EIPR1: variants seen among roughly 807,000 people sequenced by gnomAD.
The protein encoded by EIPR1 is EARP complex and GARP complex interacting protein 1.
In EIPR1, 25 loss-of-function variants were observed where a neutral mutation model predicts 48.1. The observed-to-expected ratio is 0.52, with a 90% confidence interval of 0.38 to 0.73. EIPR1 has a LOEUF of 0.73. Among genes scored for constraint, EIPR1 ranks in the 30% least tolerant of loss-of-function variants. The pLI, the probability that EIPR1 is intolerant of heterozygous loss-of-function variation, is 0.00. For missense variants in EIPR1, 415 were observed against 506.2 expected, an observed-to-expected ratio of 0.82 and a Z score of 1.73; for synonymous variants, 204 against 201.9, an observed-to-expected ratio of 1.01 and a Z score of -0.09.
chr2:3,270,838 G>T (rs1295459013), intron 3 of EIPR1, among the ~76,000 whole-genome samples: 1 of 152,188 alleles, frequency 6.6e-6, no homozygotes, highest in Admixed American at 6.5e-5. Context: ...AGATAACAAT[G>T]AAGTTTCTGC....
At chr2:3,230,570 A>C (rs1019353295) in intron 4 of EIPR1, among the ~76,000 whole-genome samples, 1 of 152,246 alleles carries the variant, frequency 6.6e-6, no homozygotes, top group Admixed American at 6.5e-5. Flanking sequence ...TCAAATTTTC[A>C]GATCACAGAG....
chr2:3,362,171 CCT>C (rs985228587), intron 1 of EIPR1, among the ~76,000 whole-genome samples: 28 of 152,318 alleles, frequency 1.8e-4, no homozygotes, highest in African/African-American at 6.5e-4. Flanking sequence ...CCCACCAGCC[CCT>C]TTCATCACAC....
chr2:3,296,576 C>T (rs1201638445), intron 3 of EIPR1, among the ~76,000 whole-genome samples: 1 of 146,978 alleles, frequency 6.8e-6, no homozygotes, highest in East Asian at 2.1e-4. Flanking sequence ...CACACTCCAT[C>T]CAGCCCATCC....
At chr2:3,333,128 A>C (rs919348129) in intron 3 of EIPR1, among the ~76,000 whole-genome samples, 2 of 152,300 alleles carry the variant, frequency 1.3e-5, no homozygotes, top group African/African-American at 4.8e-5. Context: ...AAGAATAGTA[A>C]GGGTACAGAG....
At chr2:3,233,848 C>G (rs1666317476) in intron 4 of EIPR1, among the ~76,000 whole-genome samples, 1 of 152,186 alleles carries the variant, frequency 6.6e-6, no homozygotes, top group East Asian at 1.9e-4. Context: ...TTACTTTTCC[C>G]TTAGAACTTT....
chr2:3,235,422 GCA>G (rs200996322), intron 4 of EIPR1, among the ~76,000 whole-genome samples: 5 of 133,190 alleles, frequency 3.8e-5, no homozygotes, highest in South Asian at 2.6e-4. Context: ...ATGCGGGTGC[GCA>G]CACACACACA....
intron 8 of EIPR1, among the ~76,000 whole-genome samples, chr2:3,191,763 T>C (rs752480097): frequency 6.6e-4 from 101 of 152,304 alleles, no homozygotes; most frequent in Admixed American, 1.0e-3. Context: ...GAGGCGGGCA[T>C]GAAGAGGCTG....
chr2:3,349,842 G>A (rs1229708053), intron 2 of EIPR1, among the ~76,000 whole-genome samples: 2 of 152,324 alleles, frequency 1.3e-5, no homozygotes, highest in East Asian at 1.9e-4. Context: ...AACTACCTGA[G>A]GCCAGGTACG....
At position 3,220,263 on chromosome 2, in the gene EIPR1, T is replaced by A. The variant is rs1032731526; in HGVS notation, c.417-6015A>T. On this transcript the variant is annotated intron_variant, in intron 4 of 8. Transcript: ENST00000382125. ...GTCATAGAACATTCTAGAGCATTTATAGAGTCAGGAACACATGCACACAAT... is the reference window on the plus strand; with the variant it reads ...GTCATAGAACATTCTAGAGCATTTAAAGAGTCAGGAACACATGCACACAAT... 3.9e-5 allele frequency among the ~76,000 whole-genome samples: 6 copies of A among 152,242 alleles called. No individual in the cohort carries two copies. The South Asian group carries it at 1.2e-3, about 32-fold the overall frequency.
At chr2:3,289,129 G>A (rs771246050) in intron 3 of EIPR1, among the ~76,000 whole-genome samples, 1 of 152,204 alleles carries the variant, frequency 6.6e-6, no homozygotes, top group African/African-American at 2.4e-5. Flanking sequence ...CCGGTTTCAG[G>A]GGAGAGGGGA....
chr2:3,198,374 C>T (rs773843117), intron 5 of EIPR1, among the ~76,000 whole-genome samples: 7 of 152,142 alleles, frequency 4.6e-5, no homozygotes, highest in South Asian at 2.1e-4. Context: ...CCGAGAAAGG[C>T]GGTCATCAGT....
rs371848195 is a variant in EIPR1 at position 3,329,481 on chromosome 2, G to C, written c.259+8536C>G. Among the ~76,000 whole-genome samples, 12 of 150,936 alleles carry C rather than the reference G, an allele frequency of 8.0e-5. No individual in the cohort carries two copies. The East Asian group carries it at 1.8e-3, about 22-fold the overall frequency. On this transcript the variant is annotated intron_variant, in intron 3 of 8. Coordinates refer to ENST00000382125, the MANE Select transcript of EIPR1 (RefSeq NM_003310.5). ...CTAATGATCTCGAGGTTCCAGCCAG[G>C]CTCCCCTGAATCAGAGCCCACCCGC...
At chr2:3,241,181 G>A (rs1263190554) in intron 4 of EIPR1, among the ~76,000 whole-genome samples, 2 of 152,246 alleles carry the variant, frequency 1.3e-5, no homozygotes, top group African/African-American at 4.8e-5. Context: ...ACAGCGAGCA[G>A]GTCCCTCCTA....
At chr2:3,215,417 C>T (rs1406766508) in intron 4 of EIPR1, among the ~76,000 whole-genome samples, 1 of 152,208 alleles carries the variant, frequency 6.6e-6, no homozygotes, top group African/African-American at 2.4e-5. Flanking sequence ...AAGCCATTTC[C>T]TAATGTTTGA....
intron 1 of EIPR1, among the ~76,000 whole-genome samples, chr2:3,365,969 G>C (rs10203411): frequency 9.4e-5 from 4 of 42,710 alleles, no homozygotes; most frequent in African/African-American, 2.1e-4. Flanking sequence ...GAGGTGGGGG[G>C]GTCAGCCCCC....
intron 1 of EIPR1, 23 bp from the exon 2 acceptor site, chr2:3,354,656 A>T: frequency 6.2e-7 from 1 of 1,605,764 alleles, no homozygotes; most frequent in Non-Finnish European, 8.5e-7. Context: ...AGAAAAACAC[A>T]TGCACATTTA....
intron 6 of EIPR1, 59 bp from the exon 7 acceptor site, chr2:3,194,225 C>T (rs1169261240): frequency 1.4e-5 from 22 of 1,588,636 alleles, no homozygotes; most frequent in Non-Finnish European, 1.6e-5. Flanking sequence ...AAAGCCACTG[C>T]GTGCTGCGGG....
chr2:3,369,961 C>T (rs1288305534), intron 1 of EIPR1, among the ~76,000 whole-genome samples: 8 of 150,824 alleles, frequency 5.3e-5, no homozygotes, highest in Non-Finnish European at 1.2e-4. Flanking sequence ...CCCTGACCCC[C>T]GAGCAGCCTA....
intron 3 of EIPR1, among the ~76,000 whole-genome samples, chr2:3,305,649 G>A (rs1057395764): frequency 6.6e-6 from 1 of 152,170 alleles, no homozygotes; most frequent in African/African-American, 2.4e-5. Context: ...GCAGGTGCAG[G>A]AGACGGGGAA....
Sources: gnomAD v4.1 joint callset for allele counts (sites outside exome capture counted in the v4.1 genomes callset) on GRCh38, gnomAD v4.1.1 for gene constraint, MANE v1.5 for transcripts, NCBI Gene and HGNC (gene_info 2026-07-23, HGNC 2026-07-21) for gene names.